DNAH5: variants seen among roughly 807,000 people sequenced by gnomAD.
DNAH5 encodes the protein dynein axonemal heavy chain 5, also known as axonemal beta dynein heavy chain 5.
A neutral mutation model predicts 518.2 loss-of-function variants in DNAH5; 372 were observed. The observed-to-expected ratio is 0.72, with a 90% CI of 0.66 to 0.78. DNAH5 has a LOEUF of 0.78. Among genes scored for constraint, DNAH5 ranks in the 30% least tolerant of loss-of-function variants. DNAH5 has a pLI of 0.00. For synonymous variants in DNAH5, 2,039 were observed against 2,025.9 expected (o/e 1.01, Z -0.17); for missense variants, 5,523 against 5,687.0 (o/e 0.97, Z 0.93).
intron 1 of DNAH5, among the ~76,000 whole-genome samples, chr5:13,981,793 G>A (rs1411742227): frequency 6.6e-6 from 1 of 152,190 alleles, no homozygotes; most frequent in Non-Finnish European, 1.5e-5. Flanking sequence ...GGAGGGGAAA[G>A]AAGAGTTACA....
chr5:13,755,281 A>G (rs185332751), intron 61 of DNAH5, among the ~76,000 whole-genome samples: 38 of 152,276 alleles, frequency 2.5e-4, no homozygotes, highest in Non-Finnish European at 4.7e-4. Context: ...ACACATGCTA[A>G]ATGTCTAACA....
At position 13,867,939 on chromosome 5, in the gene DNAH5, T is replaced by C; in HGVS notation, c.3888A>G (p.Ile1296Met). Residue 1296 changes from isoleucine (I) to methionine (M), a missense_variant, in exon 25 of 79, where the codon ATA (isoleucine) becomes ATG (methionine). Physicochemically the swap from Ile to Met is conservative, Grantham distance 10. Coordinates refer to ENST00000265104, the MANE Select transcript of DNAH5 (RefSeq NM_001369.3). ...CATAGTGCAGTGTATCAACTTTGTCTATCTCTTCCCTTGCTATCAGAAGTC... is the reference window on the plus strand; with the variant it reads ...CATAGTGCAGTGTATCAACTTTGTCCATCTCTTCCCTTGCTATCAGAAGTC... ...RYGLLIAREEIDKVDTLHYAW... is the reference protein window; with the variant it reads ...RYGLLIAREEMDKVDTLHYAW... 6.2e-7 allele frequency: 1 copy of C among 1,614,098 alleles called. No individual in the cohort carries two copies. Among genetic ancestry groups the C allele is most frequent in the South Asian group, 1.1e-5 (1 of 91,082 alleles).
upstream of DNAH5, among the ~76,000 whole-genome samples, chr5:13,946,906 A>G (rs1164456248): frequency 2.0e-5 from 3 of 152,242 alleles, no homozygotes; most frequent in Non-Finnish European, 4.4e-5. Context: ...ACAGCTAATA[A>G]AAACAGATGT....
intron 35 of DNAH5, among the ~76,000 whole-genome samples, chr5:13,831,817 C>T (rs921876562): frequency 1.3e-5 from 2 of 152,210 alleles, no homozygotes; most frequent in African/African-American, 4.8e-5. Context: ...CAACAACAGA[C>T]ACCACAGTGT....
At position 13,762,832 on chromosome 5, in the gene DNAH5, A is replaced by G; in HGVS notation, c.10171T>C (p.Tyr3391His). The change falls in exon 60 of 79, where the codon TAT (tyrosine) becomes CAT (histidine). Residue 3391 changes from tyrosine (Y) to histidine (H), a missense_variant. Physicochemically the swap from Tyr to His is moderately conservative, Grantham distance 83. This residue lies in a region of DNAH5 where 5,121 missense variants were observed against 5,223.3 expected (regional missense o/e 0.98). Coordinates refer to ENST00000265104, the MANE Select transcript of DNAH5 (RefSeq NM_001369.3). ...FLSPYFEMPD[Y>H]NIETAKRVCG... The stretch of plus-strand genomic sequence containing the variant: ...ACGCGTTTAGCAGTTTCGATGTTAT[A>G]GTCAGGCATTTCAAAGTAAGGACTC... 1 of 1,614,064 alleles carries G rather than the reference A, an allele frequency of 6.2e-7. No individual in the cohort carries two copies. The highest frequency in any genetic ancestry group is 8.5e-7 in the Non-Finnish European group (1 of 1,179,876).
intron 68 of DNAH5, among the ~76,000 whole-genome samples, chr5:13,734,282 C>G (rs1747027997): frequency 6.6e-6 from 1 of 152,192 alleles, no homozygotes; most frequent in Admixed American, 6.5e-5. Flanking sequence ...ACTTCTAGAA[C>G]TGTGAAAAAT....
At chr5:13,814,035 T>C (rs924511179) in intron 43 of DNAH5, among the ~76,000 whole-genome samples, 2 of 152,178 alleles carry the variant, frequency 1.3e-5, no homozygotes, top group Non-Finnish European at 2.9e-5. Flanking sequence ...AAGGCATTTA[T>C]TTATAATATA....
At chr5:13,817,941 C>A (rs1761676146) in intron 41 of DNAH5, among the ~76,000 whole-genome samples, 1 of 152,106 alleles carries the variant, frequency 6.6e-6, no homozygotes, top group South Asian at 2.1e-4. Context: ...AAAAAAGATA[C>A]CATGCTGGAA....
At chr5:13,758,070 A>G (rs1251264303) in intron 61 of DNAH5, among the ~76,000 whole-genome samples, 2 of 151,920 alleles carry the variant, frequency 1.3e-5, no homozygotes, top group African/African-American at 4.8e-5. Flanking sequence ...TAGAGAGACC[A>G]CTTTGTAAAA....
At chr5:13,755,328 GA>G (rs1750851987) in intron 61 of DNAH5, among the ~76,000 whole-genome samples, 1 of 151,862 alleles carries the variant, frequency 6.6e-6, no homozygotes. Flanking sequence ...GTGTATCCAT[GA>G]ATAAGAATAC....
intron 70 of DNAH5, among the ~76,000 whole-genome samples, chr5:13,722,988 C>T (rs769648924): frequency 1.3e-5 from 2 of 152,212 alleles, no homozygotes; most frequent in Non-Finnish European, 2.9e-5. Context: ...AATGACCAAA[C>T]AGCACCTTGG....
At position 13,885,972 on chromosome 5, in the gene DNAH5, T is replaced by C; in HGVS notation, c.2735A>G (p.Glu912Gly). The stretch of plus-strand genomic sequence containing the variant: ...ATTACCCCATCTCTTACCTGAACTT[T>C]CATTTTTGTAATTAACACTATTCTC... ...SNENSVNYKN[E>G]SSAKREEGNF... The change falls in exon 18 of 79, where the codon GAA (glutamate) becomes GGA (glycine). Residue 912 changes from glutamate (E) to glycine (G), a missense_variant. By Grantham distance (98) the Glu-to-Gly change is moderately conservative (BLOSUM62 -2). This residue lies in a region of DNAH5 where 5,121 missense variants were observed against 5,223.3 expected (regional missense o/e 0.98). Coordinates refer to ENST00000265104, the MANE Select transcript of DNAH5 (RefSeq NM_001369.3). 1.9e-6 allele frequency: 3 copies of C among 1,612,890 alleles called. No individual in the cohort carries two copies. The South Asian group carries it at 3.3e-5, about 18-fold the overall frequency.
At chr5:13,908,501 CT>C (rs1775624321) in intron 12 of DNAH5, among the ~76,000 whole-genome samples, 1 of 152,190 alleles carries the variant, frequency 6.6e-6, no homozygotes, top group Non-Finnish European at 1.5e-5. Context: ...AAGACCTAGA[CT>C]TTTCTTGTTC....
At chr5:13,939,523 C>T (rs992977160) in intron 1 of DNAH5, among the ~76,000 whole-genome samples, 1 of 152,170 alleles carries the variant, frequency 6.6e-6, no homozygotes, top group African/African-American at 2.4e-5. Flanking sequence ...CCCTGTTTCC[C>T]TGTCTTCCCA....
At chr5:13,826,529 AT>A (rs1488038581) in intron 38 of DNAH5, among the ~76,000 whole-genome samples, 1 of 152,124 alleles carries the variant, frequency 6.6e-6, no homozygotes, top group Non-Finnish European at 1.5e-5. Context: ...TGATGGTTTT[AT>A]AAGGGGCTTT....
rs756038618 is a variant in DNAH5, at chr5:13,721,038, C to T, written c.12241G>A (p.Val4081Ile). ...TGCTGCAAGAGCTTCCGAGCATGGA[C>T]TTCCTGGCCCTGGCCCATGGACACA... ...RYVSMGQGQE[V>I]HARKLLQQTM... The change falls in exon 71 of 79, where the codon GTC (valine) becomes ATC (isoleucine). Residue 4081 changes from valine to isoleucine, a missense_variant. Val to Ile is a conservative substitution (Grantham distance 29). This residue lies in a region of DNAH5 where 5,121 missense variants were observed against 5,223.3 expected (regional missense o/e 0.98). Transcript: ENST00000265104. The T allele has an allele frequency of 3.7e-6, 6 of 1,614,122 alleles. No individual in the cohort carries two copies. Among genetic ancestry groups the T allele is most frequent in the Non-Finnish European group, 5.1e-6 (6 of 1,180,004 alleles).
rs1561407436 is a variant in DNAH5, at chr5:13,842,445, A to AGAGAG, written c.5272-542_5272-541insCTCTC. Among the ~76,000 whole-genome samples the AGAGAG allele has an allele frequency of 2.5e-4, 24 of 97,862 alleles. 2 individuals are homozygous for AGAGAG. Among genetic ancestry groups the AGAGAG allele is most frequent in the African/African-American group, 1.1e-3 (24 of 21,400 alleles). 64.2% of individuals were successfully genotyped at this position (97,862 alleles called of 152,430 possible). ...AAGAAAAGAAAGAAAGAAAGAAAGAAAGAAAGAAAGAAAGAAAGAAAGAAA... is the reference window on the plus strand; with the variant it reads ...AAGAAAAGAAAGAAAGAAAGAAAGAAGAGAGAGAAAGAAAGAAAGAAAGAAAGAAA... On this transcript the variant is annotated intron_variant, in intron 32 of 78. Coordinates refer to ENST00000265104, the MANE Select transcript of DNAH5 (RefSeq NM_001369.3).
At chr5:13,942,659 C>A (rs1020601923) in intron 1 of DNAH5, among the ~76,000 whole-genome samples, 1 of 152,044 alleles carries the variant, frequency 6.6e-6, no homozygotes, top group African/African-American at 2.4e-5. Context: ...GCTGTCTCAT[C>A]CCCCTGGCCT....
rs114368410 is a variant in DNAH5 at position 13,733,104 on chromosome 5, C to T, written c.11761+2027G>A. Among the ~76,000 whole-genome samples, 1,438 of 152,238 alleles carry T rather than the reference C, an allele frequency of 9.4e-3. 18 individuals carry two copies. Among genetic ancestry groups the T allele is most frequent in the Middle Eastern group, 0.031 (9 of 294 alleles). On this transcript the variant is annotated intron_variant, in intron 68 of 78. Coordinates refer to ENST00000265104, the MANE Select transcript of DNAH5 (RefSeq NM_001369.3). ...ATGGCCATCATTTGCTAAGCATATC[C>T]TATGTATCAGGATTTACATAAACTG...
Sources: gnomAD v4.1 joint callset for allele counts (sites outside exome capture counted in the v4.1 genomes callset) on GRCh38, gnomAD v4.1.1 for gene constraint, gnomAD v4.1.1 regional missense constraint, MANE v1.5 for transcripts, NCBI Gene and HGNC (gene_info 2026-07-23, HGNC 2026-07-21) for gene names.